The following KDM4C variants were observed in gnomAD, a reference collection of about 807,000 sequenced individuals.
KDM4C encodes the protein lysine-specific demethylase 4C.
In KDM4C, 81 loss-of-function variants were observed where a neutral mutation model predicts 129.3. The observed-to-expected ratio is 0.63, with a 90% CI of 0.52 to 0.75. The LOEUF is 0.75. KDM4C is among the 30% of genes least tolerant of loss of function. KDM4C has a pLI of 0.00. For missense variants in KDM4C, 1,457 were observed against 1,304.0 expected (o/e 1.12, Z -1.81); for synonymous variants, 573 against 456.1 (o/e 1.26, Z -3.26).
At chr9:6,772,192 C>G (rs1296318638) in intron 1 of KDM4C, among the ~76,000 whole-genome samples, 3 of 152,170 alleles carry the variant, frequency 2.0e-5, no homozygotes, top group Non-Finnish European at 2.9e-5. Flanking sequence ...CTCTGTTGCC[C>G]AGGCTGGAGT....
Position 6,986,523 on chromosome 9 carries a change from G to A in KDM4C, c.1534G>A (p.Glu512Lys). ...CGAGCTTTCATGGCCAAAGTCACCT[G>A]AGTCATGCTCATCAGTGGCAGAGAG... ...PSELSWPKSP[E>K]SCSSVAESNG... The change falls in exon 11 of 22, where the codon GAG (glutamate) becomes AAG (lysine). Residue 512 changes from glutamate to lysine, a missense_variant. Physicochemically the swap from Glu to Lys is moderately conservative, Grantham distance 56 (BLOSUM62 1). Coordinates refer to ENST00000381309, the MANE Select transcript of KDM4C (RefSeq NM_015061.6). 6.2e-7 allele frequency: 1 copy of A among 1,614,146 alleles called. No individual in the cohort carries two copies. The highest frequency in any genetic ancestry group is 8.5e-7 in the Non-Finnish European group (1 of 1,180,028).
Position 6,897,392 on chromosome 9 carries a change from A to G in KDM4C, c.921+4160A>G, listed in dbSNP as rs141867116. 6.6e-3 allele frequency among the ~76,000 whole-genome samples: 999 copies of G among 152,258 alleles called. 16 individuals are homozygous for G. Among genetic ancestry groups the G allele is most frequent in the African/African-American group, 0.022 (928 of 41,566 alleles). On this transcript the variant is annotated intron_variant, in intron 8 of 21. Coordinates refer to ENST00000381309, the MANE Select transcript of KDM4C (RefSeq NM_015061.6). Reference sequence around the variant, plus strand: ...CTGTCTTTGCTTGTGTTTTCCCTCAATGAGGATCATTCTGCTCTCTTGTCT... The same window carrying G: ...CTGTCTTTGCTTGTGTTTTCCCTCAGTGAGGATCATTCTGCTCTCTTGTCT...
chr9:7,157,836 C>T (rs907679109), intron 19 of KDM4C, among the ~76,000 whole-genome samples: 2 of 152,084 alleles, frequency 1.3e-5, no homozygotes, highest in African/African-American at 4.8e-5. Context: ...TGTGTCTCTG[C>T]CAGGCTTTGG....
At chr9:6,868,129 C>T (rs1313933187) in intron 5 of KDM4C, among the ~76,000 whole-genome samples, 4 of 151,944 alleles carry the variant, frequency 2.6e-5, no homozygotes, top group African/African-American at 7.3e-5. Context: ...TCCCTGGAGG[C>T]ACCTTGTAGA....
At position 7,073,208 on chromosome 9, in the gene KDM4C, C is replaced by T. The variant is rs537606826; in HGVS notation, c.2424+24008C>T. Among the ~76,000 whole-genome samples, 15 of 152,286 alleles carry T rather than the reference C, an allele frequency of 9.8e-5. No individual in the cohort carries two copies. The South Asian group carries it at 1.9e-3, about 19-fold the overall frequency. On this transcript the variant is annotated intron_variant, in intron 17 of 21. Coordinates refer to ENST00000381309, the MANE Select transcript of KDM4C (RefSeq NM_015061.6). ...CTCCATTTAGAATGTTCCGATCTAA[C>T]ATAGCTATTTCTGTAGCTAAAATCC...
intron 8 of KDM4C, among the ~76,000 whole-genome samples, chr9:6,894,434 T>G (rs938666412): frequency 4.6e-5 from 7 of 152,242 alleles, no homozygotes; most frequent in Non-Finnish European, 1.5e-5. Flanking sequence ...AACCACTGCA[T>G]TGCTTTTGTG....
chr9:6,966,638 T>A (rs1831027509), intron 8 of KDM4C, among the ~76,000 whole-genome samples: 1 of 152,126 alleles, frequency 6.6e-6, no homozygotes, highest in African/African-American at 2.4e-5. Flanking sequence ...CGTCTAGATC[T>A]TCCTTAATAG....
intron 1 of KDM4C, among the ~76,000 whole-genome samples, chr9:6,778,883 G>C (rs1305965399): frequency 1.3e-5 from 2 of 150,348 alleles, no homozygotes; most frequent in Non-Finnish European, 3.0e-5. Context: ...AAGTGGCCTG[G>C]CTAATTTTTT....
intron 19 of KDM4C, among the ~76,000 whole-genome samples, chr9:7,139,230 C>T (rs1841508166): frequency 6.6e-6 from 1 of 152,150 alleles, no homozygotes; most frequent in Non-Finnish European, 1.5e-5. Context: ...AGCTGAGATT[C>T]TGCCGCTGCT....
At chr9:6,786,996 C>T (rs1486824847) in intron 1 of KDM4C, among the ~76,000 whole-genome samples, 1 of 152,116 alleles carries the variant, frequency 6.6e-6, no homozygotes, top group South Asian at 2.1e-4. Flanking sequence ...CCTATATTAA[C>T]TTCCAAGATT....
Position 6,793,136 on chromosome 9 carries a change from AT to A in KDM4C, c.144+6del. The A allele has an allele frequency of 6.2e-7, 1 of 1,611,750 alleles. No individual in the cohort carries two copies. The highest frequency in any genetic ancestry group is 8.5e-7 in the Non-Finnish European group (1 of 1,178,888). On this transcript the variant is annotated splice_donor_5th_base_variant and intron_variant, in intron 2 of 21. Coordinates refer to ENST00000381309, the MANE Select transcript of KDM4C (RefSeq NM_015061.6). ...CCATCGTGCGGGTCTTGCAAAGGTG[AT>A]TATCCTTCGATGCTTTAAATGAAAA...
At chr9:6,903,050 G>A (rs576525323) in intron 8 of KDM4C, among the ~76,000 whole-genome samples, 13 of 152,042 alleles carry the variant, frequency 8.6e-5, no homozygotes, top group Non-Finnish European at 1.9e-4. Context: ...AGCTTTGACT[G>A]TATTTCCCAC....
At chr9:6,862,579 G>C (rs530239203) in intron 5 of KDM4C, among the ~76,000 whole-genome samples, 4 of 152,248 alleles carry the variant, frequency 2.6e-5, no homozygotes, top group Non-Finnish European at 2.9e-5. Context: ...GAGGTTGGTG[G>C]ATCACCGGAG....
chr9:7,097,559 G>C (rs1415451479), intron 17 of KDM4C, among the ~76,000 whole-genome samples: 1 of 152,170 alleles, frequency 6.6e-6, no homozygotes, highest in Non-Finnish European at 1.5e-5. Context: ...GTGCCCCGCA[G>C]GTAGCTGTCA....
chr9:7,036,180 T>C (rs1020934637), intron 15 of KDM4C, among the ~76,000 whole-genome samples: 1 of 152,164 alleles, frequency 6.6e-6, no homozygotes, highest in Non-Finnish European at 1.5e-5. Context: ...TTTTATAGTT[T>C]CTCTTATAGT....
At chr9:6,812,698 A>G (rs1290780996) in intron 3 of KDM4C, among the ~76,000 whole-genome samples, 1 of 152,074 alleles carries the variant, frequency 6.6e-6, no homozygotes, top group African/African-American at 2.4e-5. Context: ...GCGGACCCCT[A>G]CTGGGGATTG....
chr9:7,172,185 C>T (rs1845032988), intron 21 of KDM4C, among the ~76,000 whole-genome samples: 1 of 152,152 alleles, frequency 6.6e-6, no homozygotes, highest in African/African-American at 2.4e-5. Context: ...AGGTTAGCCG[C>T]CCTTGTCAGG....
At chr9:6,863,543 T>C (rs1019526270) in intron 5 of KDM4C, among the ~76,000 whole-genome samples, 2 of 151,974 alleles carry the variant, frequency 1.3e-5, no homozygotes, top group Non-Finnish European at 2.9e-5. Flanking sequence ...ACGGCTGTAA[T>C]CCCAGCACTT....
At chr9:6,954,157 G>A (rs764458780) in intron 8 of KDM4C, among the ~76,000 whole-genome samples, 19 of 151,982 alleles carry the variant, frequency 1.3e-4, no homozygotes, top group Non-Finnish European at 1.9e-4. Flanking sequence ...CTGTCCCTTC[G>A]TACACAGATA....
Sources: allele counts gnomAD v4.1 joint callset (sites outside exome capture counted in the v4.1 genomes callset), GRCh38; gene constraint gnomAD v4.1.1; transcripts MANE v1.5; gene names NCBI Gene and HGNC (gene_info 2026-07-23, HGNC 2026-07-21).